The following SGCB variants were observed in gnomAD, a reference collection of about 807,000 sequenced individuals.
The protein encoded by SGCB is sarcoglycan beta, also known as beta-sarcoglycan.
A neutral mutation model predicts 27.3 loss-of-function variants in SGCB; 25 were observed. That is an observed-to-expected ratio of 0.92 (90% CI 0.67 to 1.28). The LOEUF is 1.28. SGCB is among the 50% of genes most tolerant of loss of function. The probability of loss-of-function intolerance (pLI) is 0.00; values close to 1 mark genes in which losing one functional copy is unlikely to be tolerated. For synonymous variants in SGCB, 147 were observed against 133.5 expected, an observed-to-expected ratio of 1.10 and a Z score of -0.70; for missense variants, 436 against 402.1, an observed-to-expected ratio of 1.08 and a Z score of -0.72.
intron 1 of SGCB, 64 bp downstream of exon 1, chr4:52,038,163 C>A: frequency 8.9e-7 from 1 of 1,129,024 alleles, no homozygotes; most frequent in Middle Eastern, 3.7e-4. Context: ...CTCCCGCGGG[C>A]CCAGCCGGCA....
In SGCB at chr4:52,038,209, G is replaced by T; in HGVS notation, c.33+18C>A. 1 of 1,237,688 alleles carries T rather than the reference G, an allele frequency of 8.1e-7. No homozygotes were observed. Among genetic ancestry groups the T allele is most frequent in the South Asian group, 3.2e-5 (1 of 31,434 alleles). 76.7% of individuals were successfully genotyped at this position (1,237,688 alleles called of 1,614,324 possible). A position where few individuals can be genotyped will look rare whatever the true frequency, so the allele number is the denominator to read the frequency against. On this transcript the variant is annotated intron_variant, in intron 1 of 5. Transcript: ENST00000381431. ...TCCCCCGCTCCTCCAGCCCGCGGCC[G>T]CGGCGGTACTCACAGACCTGTTCTG... is the stretch of plus-strand genomic sequence containing the variant.
chr4:52,026,090 G>C (rs1415204349), intron 5 of SGCB, among the ~76,000 whole-genome samples: 1 of 152,150 alleles, frequency 6.6e-6, no homozygotes. Context: ...AAAGCAAAGA[G>C]AGAAAATTGG....
intron 2 of SGCB, among the ~76,000 whole-genome samples, chr4:52,031,448 G>A (rs1737246757): frequency 7.0e-6 from 1 of 142,772 alleles, no homozygotes; most frequent in Admixed American, 7.1e-5. Context: ...GTGTGTGTGT[G>A]TGCACGCGCA....
At position 52,022,754 on chromosome 4, in the gene SGCB, T is replaced by C. The variant is rs1736987848; in HGVS notation, c.*1203A>G. The C allele has an allele frequency of 6.6e-6, 1 of 152,158 alleles. No homozygotes were observed. The highest frequency in any genetic ancestry group is 2.4e-5 in the African/African-American group (1 of 41,454). 9.4% of individuals were successfully genotyped at this position (152,158 alleles called of 1,614,324 possible). On this transcript the variant is annotated 3_prime_UTR_variant, in exon 6 of 6. Coordinates refer to ENST00000381431, the MANE Select transcript of SGCB (RefSeq NM_000232.5). Reference sequence around the variant, plus strand: ...CCGAGTGCTGAGGGTATAAATATCTTGGCAACTCTGTTATGTATTGTTACT... The same window carrying C: ...CCGAGTGCTGAGGGTATAAATATCTCGGCAACTCTGTTATGTATTGTTACT...
rs1204832968 is a variant in SGCB, at chr4:52,024,035, C to T, written c.879G>A (p.Gly293=). 2.5e-6 allele frequency: 4 copies of T among 1,614,136 alleles called. No homozygotes were observed. The Admixed American group carries it at 6.7e-5, about 27-fold the overall frequency. Residue 293 remains glycine (G), a synonymous_variant, in exon 6 of 6, where the codon GGG becomes GGA. Transcript: ENST00000381431. Reference sequence around the variant, plus strand: ...TGGTTACTTGCACCTTGAAGAGCGTCCCATCAGCACACATGCAGAGCTTGT... The same window carrying T: ...TGGTTACTTGCACCTTGAAGAGCGTTCCATCAGCACACATGCAGAGCTTGT... ...VRYKLCMCAD[G]TLFKVQVTSQ... is the part of the protein sequence containing the mutation.
Position 52,038,238 on chromosome 4 carries a change from C to A in SGCB, c.22G>T (p.Ala8Ser). 1.6e-6 allele frequency: 2 copies of A among 1,265,736 alleles called. No homozygotes were observed. Among genetic ancestry groups the A allele is most frequent in the South Asian group, 2.7e-5 (1 of 37,470 alleles). The allele number at this position is 1,265,736 out of a possible 1,614,324, so 78.4% of individuals were successfully genotyped here. Residue 8 changes from alanine to serine, a missense_variant, in exon 1 of 6, where the codon GCT becomes TCT. Ala to Ser is a moderately conservative substitution (Grantham distance 99, BLOSUM62 1). Transcript: ENST00000381431. ...CGGTACTCACAGACCTGTTCTGCAG[C>A]CGCCGCCGCCGCTGCCGCCATCTTC... Reference protein sequence around the residue: MAAAAAAAAEQQSSNGPV... With the variant: MAAAAAASAEQQSSNGPV...
At chr4:52,037,901 C>A (rs1737437600) in intron 1 of SGCB, among the ~76,000 whole-genome samples, 1 of 152,180 alleles carries the variant, frequency 6.6e-6, no homozygotes, top group South Asian at 2.1e-4. Context: ...GAACGGGGTA[C>A]GTCCCTGGCA....
chr4:52,027,833 C>T (rs1420520984), intron 5 of SGCB, 135 bp downstream of exon 5: 11 of 810,270 alleles, frequency 1.4e-5, no homozygotes, highest in Non-Finnish European at 2.2e-5. Context: ...TTTTACTTCA[C>T]AACCCACTTT....
rs1270468206 is a variant in SGCB, at chr4:52,021,064, C to A, written c.*2893G>T. On this transcript the variant is annotated 3_prime_UTR_variant, in exon 6 of 6. Transcript: ENST00000381431. ...TATATTTTAAAATATTATCAGCAGT[C>A]CGTTTTGTGTGGTTTTACATTTTTC... The A allele has an allele frequency of 6.6e-6, 1 of 152,044 alleles. No homozygotes were observed. The highest frequency in any genetic ancestry group is 2.4e-5 in the African/African-American group (1 of 41,388). The allele number at this position is 152,044 out of a possible 1,614,324, so 9.4% of individuals were successfully genotyped here. A position where few individuals can be genotyped will look rare whatever the true frequency, so the allele number is the denominator to read the frequency against.
intron 2 of SGCB, chr4:52,031,851 C>T (rs1378554624): frequency 8.8e-6 from 4 of 454,258 alleles, no homozygotes; most frequent in South Asian, 4.7e-5. Context: ...AGGGAAATTA[C>T]ATGGCTTTTT....
In SGCB at chr4:52,022,080, A is replaced by AT. The variant is rs1161524717; in HGVS notation, c.*1876dup. On this transcript the variant is annotated 3_prime_UTR_variant, in exon 6 of 6. Coordinates refer to ENST00000381431, the MANE Select transcript of SGCB (RefSeq NM_000232.5). ...GGACCATCTGAATAAAAATTTCGGC[A>AT]TTTTTTTCTGAATTCAGACATTAAA... is the stretch of plus-strand genomic sequence containing the variant. 1 of 151,970 alleles carries AT rather than the reference A, an allele frequency of 6.6e-6. No individual in the cohort carries two copies. The highest frequency in any genetic ancestry group is 1.5e-5 in the Non-Finnish European group (1 of 68,032). 9.4% of individuals were successfully genotyped at this position (151,970 alleles called of 1,614,324 possible).
chr4:52,029,913 A>T (rs1251756425), intron 2 of SGCB, 50 bp from the exon 3 acceptor site: 2 of 1,373,742 alleles, frequency 1.5e-6, no homozygotes, highest in Admixed American at 1.7e-5. Flanking sequence ...CATTTAATGT[A>T]ATTGGAAAAC....
chr4:52,038,110 A>AC, intron 1 of SGCB, 117 bp downstream of exon 1: 1 of 602,774 alleles, frequency 1.7e-6, no homozygotes, highest in Non-Finnish European at 2.1e-6. Context: ...GCCCCGCCGA[A>AC]CCCAGACCCT....
In SGCB at chr4:52,022,968, T is replaced by G. The variant is rs375922380; in HGVS notation, c.*989A>C. ...GAGTAAGCATATCTGTTTTGTTTGA[T>G]TCTCATCTTCTTAGGTAAGTTTAAA... is the stretch of plus-strand genomic sequence containing the variant. On this transcript the variant is annotated 3_prime_UTR_variant, in exon 6 of 6. Coordinates refer to ENST00000381431, the MANE Select transcript of SGCB (RefSeq NM_000232.5). The G allele has an allele frequency of 6.6e-6, 1 of 152,248 alleles. No individual in the cohort carries two copies. Among genetic ancestry groups the G allele is most frequent in the African/African-American group, 2.4e-5 (1 of 41,472 alleles). The allele number at this position is 152,248 out of a possible 1,614,324, so 9.4% of individuals were successfully genotyped here.
chr4:52,022,752 C>T lies in SGCB; in HGVS notation c.*1205G>A, dbSNP rs1314238549. ...CCCCGAGTGCTGAGGGTATAAATAT[C>T]TTGGCAACTCTGTTATGTATTGTTA... On this transcript the variant is annotated 3_prime_UTR_variant, in exon 6 of 6. Coordinates refer to ENST00000381431, the MANE Select transcript of SGCB (RefSeq NM_000232.5). The T allele has an allele frequency of 1.3e-5, 2 of 152,124 alleles. No homozygotes were observed. Among genetic ancestry groups the T allele is most frequent in the African/African-American group, 4.8e-5 (2 of 41,432 alleles). The allele number at this position is 152,124 out of a possible 1,614,324, so 9.4% of individuals were successfully genotyped here.
chr4:52,024,919 A>T (rs1254893554), intron 5 of SGCB, among the ~76,000 whole-genome samples: 1 of 151,634 alleles, frequency 6.6e-6, no homozygotes, highest in Non-Finnish European at 1.5e-5. Flanking sequence ...GCAAATGAAG[A>T]TTCAAACCAT....
intron 5 of SGCB, 37 bp downstream of exon 5, chr4:52,027,931 C>T: frequency 2.5e-6 from 4 of 1,585,490 alleles, no homozygotes; most frequent in Non-Finnish European, 3.5e-6. Context: ...TACCCAAGAA[C>T]CTAATAATTC....
rs563525721 is a variant in SGCB at position 52,036,330 on chromosome 4, G to A, written c.33+1897C>T. Among the ~76,000 whole-genome samples, 5 of 152,340 alleles carry A rather than the reference G, an allele frequency of 3.3e-5. No homozygotes were observed. The East Asian group carries it at 7.7e-4, about 23-fold the overall frequency. On this transcript the variant is annotated intron_variant, in intron 1 of 5. Transcript: ENST00000381431. ...GGAGAACTAATTTTGGTCACTTTAT[G>A]TGGATGGTGAGAAGGATAGGTGTAG... is the stretch of plus-strand genomic sequence containing the variant.
Position 52,026,257 on chromosome 4 carries a change from T to G in SGCB, c.753+1711A>C, listed in dbSNP as rs1453053394. 2.0e-4 allele frequency among the ~76,000 whole-genome samples: 28 copies of G among 137,734 alleles called. No individual in the cohort carries two copies. In the East Asian group the frequency reaches 5.5e-3, roughly 27 times the overall value. The allele number at this position is 137,734 out of a possible 152,430, so 90.4% of individuals were successfully genotyped here. A position where few individuals can be genotyped will look rare whatever the true frequency, so the allele number is the denominator to read the frequency against. ...AATTGTTTTTTGTTGTTGGTTTTTT[T>G]TTTTTTTTTTTTTTTTTTTGAGACG... On this transcript the variant is annotated intron_variant, in intron 5 of 5. Transcript: ENST00000381431.
Sources: gnomAD v4.1 joint callset for allele counts (sites outside exome capture counted in the v4.1 genomes callset) on GRCh38, gnomAD v4.1.1 for gene constraint, MANE v1.5 for transcripts, NCBI Gene and HGNC (gene_info 2026-07-23, HGNC 2026-07-21) for gene names.